Variants in MSH5 observed in about 807,000 individuals in gnomAD.
MSH5 encodes mutS protein homolog 5.
A neutral mutation model predicts 107.7 loss-of-function variants in MSH5; 78 were observed. The observed-to-expected ratio is 0.72, with a 90% confidence interval of 0.60 to 0.87. The LOEUF (loss-of-function observed/expected upper bound fraction) is 0.87. Ranked by LOEUF, MSH5 falls within the 40% of genes least tolerant of loss-of-function variation. MSH5 has a pLI of 0.00. For missense variants in MSH5, 889 were observed against 1,046.6 expected (o/e 0.85, Z 2.08); for synonymous variants, 326 against 399.5 (o/e 0.82, Z 2.19).
In MSH5 at chr6:31,759,401, A is replaced by C. The variant is rs1810756423; in HGVS notation, c.1408-24A>C. 1.9e-6 allele frequency: 3 copies of C among 1,610,980 alleles called. No individual in the cohort carries two copies. Among genetic ancestry groups the C allele is most frequent in the Non-Finnish European group, 1.7e-6 (2 of 1,178,546 alleles). On this transcript the variant is annotated intron_variant, in intron 16 of 24. Coordinates refer to ENST00000375750, the MANE Select transcript of MSH5 (RefSeq NM_172166.4). This position sits in a 1 kb window ranked among gnomAD's most constrained non-coding sequence, Gnocchi z 4.7. ...AGGAGGACCAAGAGATGCAAAGTCC[A>C]CAGCTTTGAACCCCTGTACCCAGTT... is the stretch of plus-strand genomic sequence containing the variant.
Position 31,745,333 on chromosome 6 carries a change from A to G in MSH5, c.766+14A>G, listed in dbSNP as rs1809335504. 6.3e-7 allele frequency: 1 copy of G among 1,581,728 alleles called. No homozygotes were observed. Among genetic ancestry groups the G allele is most frequent in the Admixed American group, 1.7e-5 (1 of 59,594 alleles). On this transcript the variant is annotated intron_variant, in intron 9 of 24. Coordinates refer to ENST00000375750, the MANE Select transcript of MSH5 (RefSeq NM_172166.4). ...TCAGCCTCTTTGGTAGGTGTGCCCC[A>G]TCCCTCATCTCACATTACAAAGACC... is the stretch of plus-strand genomic sequence containing the variant.
intron 23 of MSH5, 61 bp downstream of exon 23, chr6:31,762,016 ACTGGGC>A (rs1468936372): frequency 6.2e-7 from 1 of 1,612,790 alleles, no homozygotes; most frequent in East Asian, 2.2e-5. Context: ...TCCTAGTCCT[ACTGGGC>A]CTGGGTCTAG....
chr6:31,758,514 G>T lies in MSH5; in HGVS notation c.1144-34G>T, dbSNP rs780295918. ...AGAGCTGAGGAACAGGACAGAGGGT[G>T]CCAGGTCCTAAGAAACAGTACTTAT... is the stretch of plus-strand genomic sequence containing the variant. On this transcript the variant is annotated intron_variant, in intron 13 of 24. Coordinates refer to ENST00000375750, the MANE Select transcript of MSH5 (RefSeq NM_172166.4). This position sits in a 1 kb window ranked among gnomAD's most constrained non-coding sequence, Gnocchi z 5.1. 7 of 1,609,602 alleles carry T rather than the reference G, an allele frequency of 4.3e-6. No homozygotes were observed. Among genetic ancestry groups the T allele is most frequent in the Non-Finnish European group, 5.9e-6 (7 of 1,177,054 alleles).
rs780250257 is a variant in MSH5, at chr6:31,760,014, C to T, written c.1685+39C>T. ...CGGGTGGAGGAATAGACATGAGGGG[C>T]CCAAAGGCTACATCTTCTGGGGGTT... On this transcript the variant is annotated intron_variant, in intron 18 of 24. Coordinates refer to ENST00000375750, the MANE Select transcript of MSH5 (RefSeq NM_172166.4). The surrounding 1 kb of genome is among the most constrained non-coding windows in gnomAD (Gnocchi z 5.6). 27 of 1,611,388 alleles carry T rather than the reference C, an allele frequency of 1.7e-5. No individual in the cohort carries two copies. Among genetic ancestry groups the T allele is most frequent in the Non-Finnish European group, 2.2e-5 (26 of 1,178,892 alleles).
chr6:31,759,508 C>G lies in MSH5; in HGVS notation c.1491C>G (p.Ile497Met). 1 of 1,612,422 alleles carries G rather than the reference C, an allele frequency of 6.2e-7. No homozygotes were observed. The highest frequency in any genetic ancestry group is 8.5e-7 in the Non-Finnish European group (1 of 1,179,974). The change falls in exon 17 of 25, where the codon ATC (isoleucine) becomes ATG (methionine). Residue 497 changes from isoleucine to methionine, a missense_variant. Transcript: ENST00000375750. The surrounding 1 kb of genome is among the most constrained non-coding windows in gnomAD (Gnocchi z 4.7). The part of the protein sequence containing the change: ...DALLGDLHCE[I>M]RDQETLLMYQ... ...TGCTGGGGGACCTGCACTGCGAGATCCGGGGTGAGGAAAAGCCAGAGGTTA... is the reference window on the plus strand; with the variant it reads ...TGCTGGGGGACCTGCACTGCGAGATGCGGGGTGAGGAAAAGCCAGAGGTTA...
chr6:31,754,565 A>T (rs1024742691), intron 12 of MSH5, among the ~76,000 whole-genome samples: 3 of 152,014 alleles, frequency 2.0e-5, no homozygotes, highest in African/African-American at 7.3e-5. Flanking sequence ...ATACTAGAGC[A>T]GAGTGGTGCA....
intron 9 of MSH5, 95 bp from the exon 10 acceptor site, chr6:31,747,291 AC>A: frequency 7.5e-7 from 1 of 1,324,856 alleles, no homozygotes; most frequent in Non-Finnish European, 1.1e-6. Flanking sequence ...AACAACCAGC[AC>A]CTCTGACCTG....
At chr6:31,744,498 G>T (rs555618355) in intron 7 of MSH5, 48 bp from the exon 8 acceptor site, 117 of 1,605,198 alleles carry the variant, frequency 7.3e-5, no homozygotes, top group Middle Eastern at 1.7e-4. Context: ...AAGTGGAGTT[G>T]TGGAACGAAC....
At chr6:31,755,804 GC>G (rs1810398404) in intron 12 of MSH5, among the ~76,000 whole-genome samples, 1 of 151,988 alleles carries the variant, frequency 6.6e-6, no homozygotes, top group South Asian at 2.1e-4. Context: ...TCAGATGATG[GC>G]CCTAGTCCTT....
chr6:31,759,253 C>G lies in MSH5; in HGVS notation c.1407+76C>G. The stretch of plus-strand genomic sequence containing the variant: ...GCTGAGGAAGAGCGTTACTCTACAG[C>G]AGCACTGCCCAATATGGGATCTCTC... On this transcript the variant is annotated intron_variant, in intron 16 of 24. Transcript: ENST00000375750. The surrounding 1 kb of genome is among the most constrained non-coding windows in gnomAD (Gnocchi z 4.7). 7.2e-7 allele frequency: 1 copy of G among 1,396,100 alleles called. No homozygotes were observed. Among genetic ancestry groups the G allele is most frequent in the Non-Finnish European group, 1.0e-6 (1 of 983,820 alleles). The allele number at this position is 1,396,100 out of a possible 1,614,324, so 86.5% of individuals were successfully genotyped here. A position where few individuals can be genotyped will look rare whatever the true frequency, so the allele number is the denominator to read the frequency against.
In MSH5 at chr6:31,747,437, G is replaced by C. The variant is rs1316256967; in HGVS notation, c.812+5G>C. The C allele has an allele frequency of 3.1e-6, 5 of 1,612,974 alleles. No individual in the cohort carries two copies. The highest frequency in any genetic ancestry group is 4.2e-6 in the Non-Finnish European group (5 of 1,179,948). ...GTGGGGAGAGAAGCTGCTCAGGTGAGTGGGTCCCACACATACTACACACTA... is the reference window on the plus strand; with the variant it reads ...GTGGGGAGAGAAGCTGCTCAGGTGACTGGGTCCCACACATACTACACACTA... On this transcript the variant is annotated splice_donor_5th_base_variant and intron_variant, in intron 10 of 24. Transcript: ENST00000375750.
Position 31,761,861 on chromosome 6 carries a change from A to G in MSH5, c.2225A>G (p.Tyr742Cys), listed in dbSNP as rs767263679. The change falls in exon 23 of 25, where the codon TAT becomes TGT. Residue 742 changes from tyrosine to cysteine, a missense_variant. Tyr to Cys is a radical substitution (Grantham distance 194). Around this residue, in one of 3 missense-constraint regions of MSH5, gnomAD observed 362 missense variants for 456.2 expected, o/e 0.79. Transcript: ENST00000375750. The surrounding 1 kb of genome is among the most constrained non-coding windows in gnomAD (Gnocchi z 5.3). ...GATGGCAACGATCTTGTCTTCTTCT[A>G]TCAGGTTTGCGAAGGTGTTGCGAAG... ...CEDGNDLVFFYQVCEGVAKAS... is the reference protein window; with the variant it reads ...CEDGNDLVFFCQVCEGVAKAS... 10 of 1,612,920 alleles carry G rather than the reference A, an allele frequency of 6.2e-6. No homozygotes were observed. The highest frequency in any genetic ancestry group is 1.3e-5 in the African/African-American group (1 of 74,874).
At position 31,759,636 on chromosome 6, in the gene MSH5, C is replaced by A; in HGVS notation, c.1495+124C>A. ...GGCCCCTCCTCTTCCTGCTCTCTGT[C>A]TCGCTCACTCTGACTCTATCTTTTC... On this transcript the variant is annotated intron_variant, in intron 17 of 24. Transcript: ENST00000375750. This position sits in a 1 kb window ranked among gnomAD's most constrained non-coding sequence, Gnocchi z 4.7. The A allele has an allele frequency of 7.5e-7, 1 of 1,336,108 alleles. No homozygotes were observed. Among genetic ancestry groups the A allele is most frequent in the Non-Finnish European group, 1.0e-6 (1 of 955,180 alleles). 82.8% of individuals were successfully genotyped at this position (1,336,108 alleles called of 1,614,324 possible). A position where few individuals can be genotyped will look rare whatever the true frequency, so the allele number is the denominator to read the frequency against.
In MSH5 at chr6:31,740,292, C is replaced by T; in HGVS notation, c.-13-162C>T. ...CACAATCTGTACTTTAGTTAAATACCCGAGAATTCACCTCCTGTGTCCACA... is the reference window on the plus strand; with the variant it reads ...CACAATCTGTACTTTAGTTAAATACTCGAGAATTCACCTCCTGTGTCCACA... On this transcript the variant is annotated intron_variant, in intron 1 of 24. Transcript: ENST00000375750. The surrounding 1 kb of genome is among the most constrained non-coding windows in gnomAD (Gnocchi z 4.4). 3.1e-6 allele frequency: 2 copies of T among 638,474 alleles called. No individual in the cohort carries two copies. The highest frequency in any genetic ancestry group is 4.6e-5 in the South Asian group (2 of 43,766). 39.6% of individuals were successfully genotyped at this position (638,474 alleles called of 1,614,324 possible).
chr6:31,744,395 T>TG, intron 7 of MSH5, 96 bp downstream of exon 7: 1 of 1,562,642 alleles, frequency 6.4e-7, no homozygotes, highest in South Asian at 1.1e-5. Context: ...TGTGACCCAG[T>TG]GGGTCAAGTG....
chr6:31,761,346 C>G lies in MSH5; in HGVS notation c.2037+84C>G. On this transcript the variant is annotated intron_variant, in intron 21 of 24. Coordinates refer to ENST00000375750, the MANE Select transcript of MSH5 (RefSeq NM_172166.4). This position sits in a 1 kb window ranked among gnomAD's most constrained non-coding sequence, Gnocchi z 5.3. Reference sequence around the variant, plus strand: ...GGAGCATGACAGTGAGGCTGGGCCTCTGGAATGGAATAGGGCTGTGTGGGC... The same window carrying G: ...GGAGCATGACAGTGAGGCTGGGCCTGTGGAATGGAATAGGGCTGTGTGGGC... 2 of 1,606,558 alleles carry G rather than the reference C, an allele frequency of 1.2e-6. No individual in the cohort carries two copies. The highest frequency in any genetic ancestry group is 2.2e-5 in the South Asian group (2 of 90,718).
Position 31,761,751 on chromosome 6 carries a change from A to T in MSH5, c.2182-67A>T, listed in dbSNP as rs1210471595. On this transcript the variant is annotated intron_variant, in intron 22 of 24. Transcript: ENST00000375750. This position sits in a 1 kb window ranked among gnomAD's most constrained non-coding sequence, Gnocchi z 5.3. ...CTTCCCTTTTCTCCCTCCCCACAGG[A>T]TTGGCCAAGGGTTTCAGGACAGGAA... 1.9e-6 allele frequency: 3 copies of T among 1,592,960 alleles called. No homozygotes were observed. Among genetic ancestry groups the T allele is most frequent in the South Asian group, 2.2e-5 (2 of 90,622 alleles).
rs766450892 is a variant in MSH5 at position 31,761,665 on chromosome 6, C to G, written c.2181+50C>G. ...GGGGACCCCCAGGCTGGGCATTTCC[C>G]AGAGGTGGGGATTGGCTCCTCTATC... On this transcript the variant is annotated intron_variant, in intron 22 of 24. Coordinates refer to ENST00000375750, the MANE Select transcript of MSH5 (RefSeq NM_172166.4). This position sits in a 1 kb window ranked among gnomAD's most constrained non-coding sequence, Gnocchi z 5.3. The G allele has an allele frequency of 3.1e-6, 5 of 1,613,504 alleles. No individual in the cohort carries two copies. The highest frequency in any genetic ancestry group is 4.2e-6 in the Non-Finnish European group (5 of 1,179,862).
Position 31,740,998 on chromosome 6 carries a change from C to G in MSH5, c.148-165C>G, listed in dbSNP as rs1808814486. 6.6e-6 allele frequency among the ~76,000 whole-genome samples: 1 copy of G among 151,998 alleles called. No homozygotes were observed. The highest frequency in any genetic ancestry group is 1.5e-5 in the Non-Finnish European group (1 of 67,952). On this transcript the variant is annotated intron_variant, in intron 2 of 24. Coordinates refer to ENST00000375750, the MANE Select transcript of MSH5 (RefSeq NM_172166.4). This position sits in a 1 kb window ranked among gnomAD's most constrained non-coding sequence, Gnocchi z 4.4. ...AAAAAAAAAACAGGGTTGGGAAGAGCTGGGCAAGTCTCTTACCTCCTGAGT... is the reference window on the plus strand; with the variant it reads ...AAAAAAAAAACAGGGTTGGGAAGAGGTGGGCAAGTCTCTTACCTCCTGAGT...
Sources: gnomAD v4.1 joint callset for allele counts (sites outside exome capture counted in the v4.1 genomes callset) on GRCh38, gnomAD v4.1.1 for gene constraint, gnomAD v4.1.1 regional missense constraint, Gnocchi (gnomAD v3.1) non-coding constraint, MANE v1.5 for transcripts, NCBI Gene and HGNC (gene_info 2026-07-23, HGNC 2026-07-21) for gene names.